RUVBL1: variants seen among roughly 807,000 people sequenced by gnomAD.
RUVBL1 encodes ruvB-like 1.
RUVBL1 carries 4 observed loss-of-function variants against 52.4 expected under a neutral mutation model. That is an observed-to-expected ratio of 0.08 (90% confidence interval 0.04 to 0.17). RUVBL1 has a LOEUF of 0.17. RUVBL1 is among the 10% of genes least tolerant of loss of function. The probability of loss-of-function intolerance (pLI) is 1.00; values close to 1 mark genes in which losing one functional copy is unlikely to be tolerated. For synonymous variants in RUVBL1, 217 were observed against 214.4 expected (o/e 1.01, Z -0.10); for missense variants, 298 against 572.8 (o/e 0.52, Z 4.90).
At chr3:128,066,143 A>T (rs1941970840) in intron 9 of RUVBL1, among the ~76,000 whole-genome samples, 1 of 152,048 alleles carries the variant, frequency 6.6e-6, no homozygotes, top group Non-Finnish European at 1.5e-5. Flanking sequence ...TTTCAGAGGG[A>T]GAAGTTGTAT....
At chr3:128,130,875 CTCCTGACG>C (rs1253209266) in intron 1 of RUVBL1, among the ~76,000 whole-genome samples, 2 of 151,958 alleles carry the variant, frequency 1.3e-5, no homozygotes, top group Non-Finnish European at 2.9e-5. Flanking sequence ...TGGTCTCGAT[CTCCTGACG>C]TCGTGATCTG....
At chr3:128,108,861 T>C (rs572233268) in intron 3 of RUVBL1, among the ~76,000 whole-genome samples, 61 of 152,244 alleles carry the variant, frequency 4.0e-4, no homozygotes, top group African/African-American at 1.4e-3. Context: ...TCCACTGCTA[T>C]TCCAAATACA....
chr3:128,128,068 T>C (rs888439162), upstream of RUVBL1, among the ~76,000 whole-genome samples: 1 of 151,820 alleles, frequency 6.6e-6, no homozygotes, highest in Admixed American at 6.6e-5. Context: ...ACATAAACGT[T>C]GTGTTAGTTT....
At chr3:128,118,250 G>T (rs1454299865) in intron 2 of RUVBL1, among the ~76,000 whole-genome samples, 1 of 152,120 alleles carries the variant, frequency 6.6e-6, no homozygotes, top group African/African-American at 2.4e-5. Context: ...TTAAAAAACT[G>T]TTCACAATTT....
At position 128,097,291 on chromosome 3, in the gene RUVBL1, C is replaced by A. The variant is rs1315909464; in HGVS notation, c.1016+9G>T. On this transcript the variant is annotated intron_variant, in intron 8 of 10. Transcript: ENST00000322623. Reference sequence around the variant, plus strand: ...AAAAAGCCTTGTGGCTGGCAGGCAGCCATCCTACCTGATGACACAGTTGCC... The same window carrying A: ...AAAAAGCCTTGTGGCTGGCAGGCAGACATCCTACCTGATGACACAGTTGCC... 2 of 1,611,716 alleles carry A rather than the reference C, an allele frequency of 1.2e-6. No individual in the cohort carries two copies. Among genetic ancestry groups the A allele is most frequent in the Admixed American group, 3.3e-5 (2 of 59,898 alleles).
intron 1 of RUVBL1, among the ~76,000 whole-genome samples, chr3:128,143,741 C>T (rs1944064980): frequency 6.6e-6 from 1 of 152,172 alleles, no homozygotes; most frequent in South Asian, 2.1e-4. Context: ...ACAATCCAGT[C>T]ACTGCGGCCA....
intron 3 of RUVBL1, among the ~76,000 whole-genome samples, chr3:128,112,609 A>G (rs1282270187): frequency 1.3e-5 from 2 of 152,222 alleles, no homozygotes; most frequent in African/African-American, 2.4e-5. Context: ...TTCCAGGAAA[A>G]TATGACTCAT....
intron 9 of RUVBL1, among the ~76,000 whole-genome samples, chr3:128,069,158 A>G (rs1023506007): frequency 6.6e-6 from 1 of 152,252 alleles, no homozygotes; most frequent in Admixed American, 6.5e-5. Context: ...TATCCAAAGT[A>G]TCATTTCAAC....
intron 9 of RUVBL1, chr3:128,070,429 C>G (rs1026720355): frequency 6.6e-6 from 1 of 152,214 alleles, no homozygotes; most frequent in East Asian, 1.9e-4. Flanking sequence ...GTGGACAGAC[C>G]CTTGCAGTGA....
rs1943715066 is a variant in RUVBL1, at chr3:128,123,714, T to G, written c.11A>C (p.Glu4Ala). 3 of 1,601,616 alleles carry G rather than the reference T, an allele frequency of 1.9e-6. No homozygotes were observed. The highest frequency in any genetic ancestry group is 2.6e-6 in the Non-Finnish European group (3 of 1,171,564). ...CGTCTTCGTAGTGCTCTTCACCTCCTCAATCTTCATTTTGCAGACGCCGGG... is the reference window on the plus strand; with the variant it reads ...CGTCTTCGTAGTGCTCTTCACCTCCGCAATCTTCATTTTGCAGACGCCGGG... Reference protein sequence around the residue: MKIEEVKSTTKTQR... With the variant: MKIAEVKSTTKTQR... Residue 4 changes from glutamate (E) to alanine (A), a missense_variant, in exon 1 of 11, where the codon GAG (glutamate) becomes GCG (alanine). Coordinates refer to ENST00000322623, the MANE Select transcript of RUVBL1 (RefSeq NM_003707.3).
In RUVBL1 at chr3:128,070,294, C is replaced by T. The variant is rs72974055; in HGVS notation, c.940-5074G>A. The T allele has an allele frequency of 8.7e-4, 132 of 152,428 alleles. 1 individual carries two copies. The highest frequency in any genetic ancestry group is 3.1e-3 in the African/African-American group (128 of 41,568). 9.4% of individuals were successfully genotyped at this position (152,428 alleles called of 1,614,324 possible). The stretch of plus-strand genomic sequence containing the variant: ...CACTCCTGGCCATCTGTGGATTTGT[C>T]TGTGCACCTATTGGCTCTTCTAGCT... On this transcript the variant is annotated intron_variant, in intron 9 of 9. Transcript: ENST00000464873.
upstream of RUVBL1, among the ~76,000 whole-genome samples, chr3:128,126,873 G>A (rs764021293): frequency 3.3e-5 from 5 of 152,176 alleles, no homozygotes; most frequent in Non-Finnish European, 7.3e-5. Context: ...GGAAATGACC[G>A]TTCTCCCACT....
chr3:128,130,316 C>A (rs1275348503), intron 1 of RUVBL1, among the ~76,000 whole-genome samples: 2 of 151,860 alleles, frequency 1.3e-5, no homozygotes, highest in Admixed American at 6.6e-5. Context: ...TGGAAAAAAA[C>A]TGTGAACAGA....
At chr3:128,153,679 G>A in exon 1 of RUVBL1, 1 of 1,594,886 alleles carries the variant, frequency 6.3e-7, no homozygotes, top group East Asian at 2.3e-5. Flanking sequence ...GTGCTTCTCG[G>A]TGCCGCTGCC....
chr3:128,130,611 A>T (rs1175650382), intron 1 of RUVBL1, among the ~76,000 whole-genome samples: 44 of 129,406 alleles, frequency 3.4e-4, no homozygotes, highest in African/African-American at 9.2e-4. Flanking sequence ...AAAAAAAAAA[A>T]AAATTTTATT....
exon 1 of RUVBL1, chr3:128,153,606 C>T: frequency 6.3e-7 from 1 of 1,594,264 alleles, no homozygotes; most frequent in Non-Finnish European, 8.5e-7. Context: ...CAGCCTCCAC[C>T]GCCGCCTTTG....
At position 128,067,251 on chromosome 3, in the gene RUVBL1, T is replaced by C; in HGVS notation, c.940-2031A>G. The C allele has an allele frequency of 7.4e-7, 1 of 1,355,574 alleles. No homozygotes were observed. The highest frequency in any genetic ancestry group is 1.0e-6 in the Non-Finnish European group (1 of 965,426). The allele number at this position is 1,355,574 out of a possible 1,614,324, so 84.0% of individuals were successfully genotyped here. A position where few individuals can be genotyped will look rare whatever the true frequency, so the allele number is the denominator to read the frequency against. On this transcript the variant is annotated intron_variant, in intron 9 of 9. Coordinates refer to the RUVBL1 transcript ENST00000464873. This position sits in a 1 kb window ranked among gnomAD's most constrained non-coding sequence, Gnocchi z 4.1. Reference sequence around the variant, plus strand: ...ACAGATATTTCATCCAAAGATATTTTCCATTGTGCCTTTTACAAATTCAGC... The same window carrying C: ...ACAGATATTTCATCCAAAGATATTTCCCATTGTGCCTTTTACAAATTCAGC...
In RUVBL1 at chr3:128,114,515, A is replaced by C. The variant is rs373426962; in HGVS notation, c.229-1495T>G. Among the ~76,000 whole-genome samples, 18 of 152,234 alleles carry C rather than the reference A, an allele frequency of 1.2e-4. No homozygotes were observed. The South Asian group carries it at 3.5e-3, about 30-fold the overall frequency. On this transcript the variant is annotated intron_variant, in intron 2 of 10. Coordinates refer to ENST00000322623, the MANE Select transcript of RUVBL1 (RefSeq NM_003707.3). The stretch of plus-strand genomic sequence containing the variant: ...CCTCATCTGTCAAATGAAAGTACTA[A>C]AGTGCCATGCTAGATCACAAGTGGC...
At chr3:128,103,525 A>T (rs1334863896) in intron 4 of RUVBL1, among the ~76,000 whole-genome samples, 1 of 152,220 alleles carries the variant, frequency 6.6e-6, no homozygotes, top group African/African-American at 2.4e-5. Context: ...GAATCAAAGA[A>T]CCATAAAATC....
Sources: gnomAD v4.1 joint callset for allele counts (sites outside exome capture counted in the v4.1 genomes callset) on GRCh38, gnomAD v4.1.1 for gene constraint, Gnocchi (gnomAD v3.1) non-coding constraint, MANE v1.5 for transcripts, NCBI Gene and HGNC (gene_info 2026-07-23, HGNC 2026-07-21) for gene names.